EPHA7: variants seen among roughly 807,000 people sequenced by gnomAD.
EPHA7 encodes ephrin type-A receptor 7.
EPHA7 carries 25 observed loss-of-function variants against 112.6 expected under a neutral mutation model. The ratio of observed to expected loss-of-function variants is 0.22; its 90% confidence interval spans 0.16 to 0.31. The LOEUF (loss-of-function observed/expected upper bound fraction) is 0.31. Ranked by LOEUF, EPHA7 falls within the 10% of genes least tolerant of loss-of-function variation. The pLI, the probability that EPHA7 is intolerant of heterozygous loss-of-function variation, is 1.00. For missense variants in EPHA7, 962 were observed against 1,212.6 expected (o/e 0.79, Z 3.07); for synonymous variants, 437 against 406.5 (o/e 1.07, Z -0.90).
intron 5 of EPHA7, among the ~76,000 whole-genome samples, chr6:93,323,460 T>C (rs1035880511): frequency 1.3e-5 from 2 of 151,492 alleles, no homozygotes; most frequent in Non-Finnish European, 3.0e-5. Flanking sequence ...ATACAGAATA[T>C]AAAGTTCTGG....
At chr6:93,402,087 T>C (rs1248729879) in intron 3 of EPHA7, among the ~76,000 whole-genome samples, 1 of 151,978 alleles carries the variant, frequency 6.6e-6, no homozygotes, top group Non-Finnish European at 1.5e-5. Context: ...TTCCCAATGC[T>C]AGGTTAATTA....
chr6:93,249,921 T>A (rs1177236786), intron 14 of EPHA7, among the ~76,000 whole-genome samples: 1 of 152,170 alleles, frequency 6.6e-6, no homozygotes, highest in African/African-American at 2.4e-5. Context: ...ATTAAATGAT[T>A]ATTAGAAAAA....
rs561482815 is a variant in EPHA7, at chr6:93,364,513, C to T, written c.833-6102G>A. On this transcript the variant is annotated intron_variant, in intron 3 of 16. Coordinates refer to ENST00000369303, the MANE Select transcript of EPHA7 (RefSeq NM_004440.4). ...CACTCCATCCAGCGTGGGGCTTAGGCGACAGGAGCGAAACTCCGTCTCAAA... is the reference window on the plus strand; with the variant it reads ...CACTCCATCCAGCGTGGGGCTTAGGTGACAGGAGCGAAACTCCGTCTCAAA... Among the ~76,000 whole-genome samples the T allele has an allele frequency of 5.3e-4, 68 of 128,994 alleles. No homozygotes were observed. In the East Asian group the frequency reaches 0.012, roughly 22 times the overall value. 84.6% of individuals were successfully genotyped at this position (128,994 alleles called of 152,430 possible). A position where few individuals can be genotyped will look rare whatever the true frequency, so the allele number is the denominator to read the frequency against.
intron 3 of EPHA7, among the ~76,000 whole-genome samples, chr6:93,401,130 TG>T (rs1366190795): frequency 6.6e-6 from 1 of 152,086 alleles, no homozygotes; most frequent in Non-Finnish European, 1.5e-5. Context: ...AAACACAGTA[TG>T]TGTCCTTTCA....
At chr6:93,385,591 T>C (rs1391382263) in intron 3 of EPHA7, among the ~76,000 whole-genome samples, 1 of 152,030 alleles carries the variant, frequency 6.6e-6, no homozygotes, top group Non-Finnish European at 1.5e-5. Flanking sequence ...CCCCACTTAT[T>C]AATGAGACTG....
intron 3 of EPHA7, among the ~76,000 whole-genome samples, chr6:93,391,713 G>A (rs539059929): frequency 5.3e-5 from 8 of 151,914 alleles, no homozygotes; most frequent in Non-Finnish European, 1.0e-4. Flanking sequence ...AAAGGTGGAA[G>A]GATGAGAGGG....
intron 3 of EPHA7, among the ~76,000 whole-genome samples, chr6:93,408,984 T>C (rs559322086): frequency 0.024 from 2,904 of 120,340 alleles, 101 homozygotes; most frequent in African/African-American, 0.087. Context: ...TTTTTCTTTT[T>C]TTTTTCTTGC....
rs572115466 is a variant in EPHA7, at chr6:93,291,724, C to T, written c.1325-19302G>A. ...CGGAGCTGGCAGTGAGCCGAGATCC[C>T]GCCACTGCACTCCAGCCTGGGCGAC... is the stretch of plus-strand genomic sequence containing the variant. On this transcript the variant is annotated intron_variant, in intron 5 of 16. Coordinates refer to ENST00000369303, the MANE Select transcript of EPHA7 (RefSeq NM_004440.4). Among the ~76,000 whole-genome samples, 5 of 135,202 alleles carry T rather than the reference C, an allele frequency of 3.7e-5. No homozygotes were observed. In the South Asian group the frequency reaches 7.8e-4, roughly 21 times the overall value. 88.7% of individuals were successfully genotyped at this position (135,202 alleles called of 152,430 possible).
intron 1 of EPHA7, among the ~76,000 whole-genome samples, chr6:93,418,684 A>T (rs1242585617): frequency 6.6e-6 from 1 of 152,094 alleles, no homozygotes; most frequent in Non-Finnish European, 1.5e-5. Context: ...CAACCGCAGG[A>T]CCGCGCCGCC....
At chr6:93,322,912 T>C (rs1774145847) in intron 5 of EPHA7, among the ~76,000 whole-genome samples, 1 of 151,562 alleles carries the variant, frequency 6.6e-6, no homozygotes, top group African/African-American at 2.4e-5. Flanking sequence ...AATGAATATG[T>C]CAATTATCAC....
At chr6:93,279,325 C>G (rs1447843469) in intron 5 of EPHA7, among the ~76,000 whole-genome samples, 1 of 152,074 alleles carries the variant, frequency 6.6e-6, no homozygotes, top group Non-Finnish European at 1.5e-5. Context: ...CTTTTATCAG[C>G]TCTGTTGTAT....
In EPHA7 at chr6:93,323,832, G is replaced by T. The variant is rs542199455; in HGVS notation, c.1324+32885C>A. Reference sequence around the variant, plus strand: ...TATTCTACCAGCTGGATCTCCATCTGCTCAACTAAACATTTTCACACCAAA... The same window carrying T: ...TATTCTACCAGCTGGATCTCCATCTTCTCAACTAAACATTTTCACACCAAA... On this transcript the variant is annotated intron_variant, in intron 5 of 16. Transcript: ENST00000369303. 3.3e-5 allele frequency among the ~76,000 whole-genome samples: 5 copies of T among 151,444 alleles called. No individual in the cohort carries two copies. In the South Asian group the frequency reaches 8.3e-4, roughly 25 times the overall value.
chr6:93,271,643 G>A lies in EPHA7; in HGVS notation c.1449+655C>T, dbSNP rs3799811. ...ATATACTCATATACTCAGATGTATC[G>A]CTAGTTACTAAAATTTAGTCATTAT... On this transcript the variant is annotated intron_variant, in intron 6 of 16. Coordinates refer to ENST00000369303, the MANE Select transcript of EPHA7 (RefSeq NM_004440.4). Among the ~76,000 whole-genome samples, 74 of 151,806 alleles carry A rather than the reference G, an allele frequency of 4.9e-4. 2 individuals carry two copies. The East Asian group carries it at 0.011, about 24-fold the overall frequency.
chr6:93,414,245 C>A (rs1418673331), intron 2 of EPHA7, among the ~76,000 whole-genome samples: 3 of 151,722 alleles, frequency 2.0e-5, no homozygotes, highest in Non-Finnish European at 4.4e-5. Flanking sequence ...GAACATAGTA[C>A]ATTTTTAGTT....
intron 5 of EPHA7, among the ~76,000 whole-genome samples, chr6:93,324,544 T>C (rs991597550): frequency 5.3e-5 from 8 of 151,260 alleles, no homozygotes; most frequent in Non-Finnish European, 5.9e-5. Flanking sequence ...AAGTGCACAA[T>C]AAGTTAAATC....
At chr6:93,373,175 A>G (rs1207441220) in intron 3 of EPHA7, among the ~76,000 whole-genome samples, 1 of 151,938 alleles carries the variant, frequency 6.6e-6, no homozygotes, top group Non-Finnish European at 1.5e-5. Context: ...TGGAATTAAC[A>G]GCTAGAAACC....
At chr6:93,252,855 C>A (rs1169551240) in intron 14 of EPHA7, among the ~76,000 whole-genome samples, 1 of 151,720 alleles carries the variant, frequency 6.6e-6, no homozygotes, top group Admixed American at 6.6e-5. Context: ...CTAAACTGCA[C>A]AATAGACATA....
At chr6:93,282,633 C>A (rs374310576) in intron 5 of EPHA7, among the ~76,000 whole-genome samples, 1 of 152,050 alleles carries the variant, frequency 6.6e-6, no homozygotes, top group Non-Finnish European at 1.5e-5. Flanking sequence ...CTTCAGCTTG[C>A]GGGGAGGTGT....
chr6:93,335,412 A>C (rs751041756), intron 5 of EPHA7, among the ~76,000 whole-genome samples: 1 of 152,126 alleles, frequency 6.6e-6, no homozygotes, highest in Non-Finnish European at 1.5e-5. Context: ...ATTATATTTC[A>C]AATTTTACAG....
Sources: gnomAD v4.1 joint callset for allele counts (sites outside exome capture counted in the v4.1 genomes callset) on GRCh38, gnomAD v4.1.1 for gene constraint, MANE v1.5 for transcripts, NCBI Gene and HGNC (gene_info 2026-07-23, HGNC 2026-07-21) for gene names.